HPSE2: variants seen among roughly 807,000 people sequenced by gnomAD.
HPSE2 encodes heparanase 2 (inactive), also known as inactive heparanase-2.
In HPSE2, 38 loss-of-function variants were observed where a neutral mutation model predicts 60.5. That is an observed-to-expected ratio of 0.63 (90% confidence interval 0.48 to 0.82). The LOEUF (loss-of-function observed/expected upper bound fraction) is 0.82, where lower values mean the gene tolerates loss of function less well. Among genes scored for constraint, HPSE2 ranks in the 40% least tolerant of loss-of-function variants. The pLI is 0.00. For synonymous variants in HPSE2, 295 were observed against 293.2 expected (o/e 1.01, Z -0.06); for missense variants, 713 against 740.4 (o/e 0.96, Z 0.43).
intron 3 of HPSE2, among the ~76,000 whole-genome samples, chr10:99,131,121 G>A (rs1013857916): frequency 6.6e-6 from 1 of 152,164 alleles, no homozygotes; most frequent in Non-Finnish European, 1.5e-5. Context: ...AGAAAAAGCA[G>A]CTGAGGAAAT....
the HPSE2 span, among the ~76,000 whole-genome samples, chr10:99,294,905 G>A: frequency 1.3e-5 from 2 of 151,696 alleles, no homozygotes; most frequent in Non-Finnish European, 3.0e-5. Context: ...GCAGTGAGTC[G>A]AGATGGCGCC....
At chr10:99,028,484 A>C (rs773541801) in intron 3 of HPSE2, among the ~76,000 whole-genome samples, 9 of 152,226 alleles carry the variant, frequency 5.9e-5, no homozygotes, top group Non-Finnish European at 1.2e-4. Flanking sequence ...GAAATTGAAG[A>C]GGTCATCAAA....
At chr10:99,294,816 C>T in the HPSE2 span, among the ~76,000 whole-genome samples, 6 of 151,994 alleles carry the variant, frequency 3.9e-5, no homozygotes, top group South Asian at 2.1e-4. Context: ...AAAAATCAGG[C>T]GTGTACCACC....
chr10:98,846,385 T>C (rs953343458), intron 3 of HPSE2, among the ~76,000 whole-genome samples: 3 of 152,222 alleles, frequency 2.0e-5, no homozygotes, highest in African/African-American at 7.2e-5. Flanking sequence ...ACCTGGGTTT[T>C]GAAGTTTGTG....
At chr10:99,305,949 A>G in the HPSE2 span, among the ~76,000 whole-genome samples, 4 of 98,364 alleles carry the variant, frequency 4.1e-5, no homozygotes, top group East Asian at 3.1e-4. Context: ...GAAAATATCC[A>G]AACTCACACA....
intron 11 of HPSE2, among the ~76,000 whole-genome samples, chr10:98,473,355 C>T (rs542772641): frequency 5.3e-5 from 8 of 151,896 alleles, no homozygotes; most frequent in South Asian, 2.1e-4. Flanking sequence ...TTTGGTGACA[C>T]GCACCTGTAG....
At chr10:98,682,246 A>T (rs1373336501) in intron 6 of HPSE2, among the ~76,000 whole-genome samples, 1 of 152,138 alleles carries the variant, frequency 6.6e-6, no homozygotes, top group African/African-American at 2.4e-5. Context: ...TCATCATGTG[A>T]TGTGTGTGCT....
At chr10:98,565,192 T>C (rs754976682) in intron 9 of HPSE2, among the ~76,000 whole-genome samples, 7 of 151,568 alleles carry the variant, frequency 4.6e-5, no homozygotes, top group Non-Finnish European at 1.0e-4. Flanking sequence ...AGTTCCAGGA[T>C]ACATGCGCAG....
chr10:98,890,719 C>T (rs1426627955), intron 3 of HPSE2, among the ~76,000 whole-genome samples: 1 of 152,092 alleles, frequency 6.6e-6, no homozygotes, highest in East Asian at 1.9e-4. Context: ...TTTTAACTCC[C>T]TTGGGGTTGT....
intron 2 of HPSE2, among the ~76,000 whole-genome samples, chr10:99,152,018 T>A (rs546462624): frequency 2.7e-5 from 4 of 146,234 alleles, no homozygotes; most frequent in Admixed American, 1.4e-4. Context: ...TTTCCATATT[T>A]AAAAAAAAAA....
intron 3 of HPSE2, among the ~76,000 whole-genome samples, chr10:98,866,940 A>C (rs985178373): frequency 2.0e-5 from 3 of 152,206 alleles, no homozygotes; most frequent in Non-Finnish European, 4.4e-5. Flanking sequence ...AACATGAAAT[A>C]ATATAGAGTA....
chr10:99,112,899 C>T (rs1385106201), intron 3 of HPSE2, among the ~76,000 whole-genome samples: 1 of 152,140 alleles, frequency 6.6e-6, no homozygotes, highest in East Asian at 1.9e-4. Flanking sequence ...CAATTGCCCA[C>T]ACCCACGCAA....
chr10:98,606,289 T>C (rs1945584096), intron 9 of HPSE2, among the ~76,000 whole-genome samples: 1 of 152,238 alleles, frequency 6.6e-6, no homozygotes, highest in African/African-American at 2.4e-5. Context: ...AAAAGGTAGT[T>C]AATTTAATTA....
intron 3 of HPSE2, among the ~76,000 whole-genome samples, chr10:98,830,050 G>T (rs1951647756): frequency 6.6e-6 from 1 of 152,150 alleles, no homozygotes; most frequent in South Asian, 2.1e-4. Flanking sequence ...GATTTTTAAA[G>T]TTACTTGTTT....
intron 3 of HPSE2, among the ~76,000 whole-genome samples, chr10:99,037,515 G>A (rs1957637254): frequency 6.6e-6 from 1 of 151,568 alleles, no homozygotes; most frequent in South Asian, 2.1e-4. Context: ...ATAGAAACAT[G>A]GTATATAATT....
At chr10:99,312,831 T>G in the HPSE2 span, among the ~76,000 whole-genome samples, 2 of 152,248 alleles carry the variant, frequency 1.3e-5, no homozygotes, top group Non-Finnish European at 2.9e-5. Context: ...TTCATTATTA[T>G]AGATGTAAAC....
intron 2 of HPSE2, among the ~76,000 whole-genome samples, chr10:99,191,834 A>T (rs188745347): frequency 2.6e-5 from 4 of 152,352 alleles, no homozygotes; most frequent in Admixed American, 2.6e-4. Context: ...CCTTTCAGAC[A>T]GAAATTCAAA....
At chr10:99,212,012 T>C (rs953925234) in intron 2 of HPSE2, among the ~76,000 whole-genome samples, 3 of 152,022 alleles carry the variant, frequency 2.0e-5, no homozygotes, top group African/African-American at 7.2e-5. Flanking sequence ...AAAACAAATA[T>C]TTTTAAATGG....
intron 2 of HPSE2, among the ~76,000 whole-genome samples, chr10:99,186,154 A>ACACACACACACACT (rs1589795210): frequency 6.7e-6 from 1 of 149,610 alleles, no homozygotes; most frequent in Non-Finnish European, 1.5e-5. Flanking sequence ...ACACACACAC[A>ACACACACACACACT]AGGCATATCA....
Sources: gnomAD v4.1 joint callset for allele counts (sites outside exome capture counted in the v4.1 genomes callset) on GRCh38, gnomAD v4.1.1 for gene constraint, MANE v1.5 for transcripts, NCBI Gene and HGNC (gene_info 2026-07-23, HGNC 2026-07-21) for gene names.